Variants in OTUD7A observed in about 807,000 individuals in gnomAD.
The protein encoded by OTUD7A is OTU deubiquitinase 7A, also known as OTU domain-containing protein 7A.
A neutral mutation model predicts 65.7 loss-of-function variants in OTUD7A; 12 were observed. That is an observed-to-expected ratio of 0.18 (90% CI 0.12 to 0.30). The LOEUF (loss-of-function observed/expected upper bound fraction) is 0.30, where lower values mean the gene tolerates loss of function less well. OTUD7A is among the 10% of genes least tolerant of loss of function. The probability of loss-of-function intolerance (pLI) is 1.00; values close to 1 mark genes in which losing one functional copy is unlikely to be tolerated. For synonymous variants in OTUD7A, 641 were observed against 586.3 expected (o/e 1.09, Z -1.35); for missense variants, 1,148 against 1,304.8 (o/e 0.88, Z 1.85).
At chr15:31,575,498 A>G (rs1434162114) in intron 3 of OTUD7A, among the ~76,000 whole-genome samples, 1 of 152,220 alleles carries the variant, frequency 6.6e-6, no homozygotes, top group East Asian at 1.9e-4. Flanking sequence ...AGGAGTGACT[A>G]TAACATGGTA....
chr15:31,566,144 TTG>T (rs1888865137), intron 4 of OTUD7A, among the ~76,000 whole-genome samples: 1 of 151,034 alleles, frequency 6.6e-6, no homozygotes, highest in Non-Finnish European at 1.5e-5. Context: ...TGAGCCGAGA[TTG>T]CGCCACTGCA....
intron 10 of OTUD7A, among the ~76,000 whole-genome samples, chr15:31,493,147 A>AG (rs1277016007): frequency 9.9e-6 from 1 of 101,000 alleles, no homozygotes; most frequent in African/African-American, 3.7e-5. Flanking sequence ...TTGAGGTTGT[A>AG]GGAAAAAAAA....
chr15:31,644,150 C>T (rs734299), intron 3 of OTUD7A, among the ~76,000 whole-genome samples: 43,403 of 151,430 alleles, frequency 0.29, 7,331 homozygotes, highest in African/African-American at 0.47. Flanking sequence ...TCATGCTCTA[C>T]GCAGATGGCA....
intron 4 of OTUD7A, among the ~76,000 whole-genome samples, chr15:31,568,464 G>A (rs967285473): frequency 7.2e-5 from 11 of 152,350 alleles, no homozygotes; most frequent in Middle Eastern, 6.8e-3. Flanking sequence ...AGGCTCACAG[G>A]TGGAAGGGAC....
rs781208686 is a variant in OTUD7A at position 31,483,422 on chromosome 15, G to A, written c.2674C>T (p.Pro892Ser). 5.8e-6 allele frequency: 8 copies of A among 1,370,812 alleles called. No individual in the cohort carries two copies. In the South Asian group the frequency reaches 1.0e-4, roughly 18 times the overall value. The allele number at this position is 1,370,812 out of a possible 1,614,324, so 84.9% of individuals were successfully genotyped here. Residue 892 changes from proline to serine, a missense_variant, in exon 13 of 13, where the codon CCG (proline) becomes TCG (serine). Pro to Ser is a moderately conservative substitution (Grantham distance 74, BLOSUM62 -1). Transcript: ENST00000307050. ...TCGCGCTGGCAGCGCCGCTGCACCG[G>A]CCCCGGGCCGCCACGGCCGCACTCA... ...NGECGRGGPGPVQRRCQRENC... is the reference protein window; with the variant it reads ...NGECGRGGPGSVQRRCQRENC...
At chr15:31,679,294 G>A (rs1412722271) in intron 1 of OTUD7A, among the ~76,000 whole-genome samples, 1 of 152,220 alleles carries the variant, frequency 6.6e-6, no homozygotes, top group African/African-American at 2.4e-5. Flanking sequence ...GGACTTCTGG[G>A]TTAATGCTGG....
At chr15:31,790,491 TA>T (rs1219336206) in intron 1 of OTUD7A, among the ~76,000 whole-genome samples, 3 of 151,942 alleles carry the variant, frequency 2.0e-5, no homozygotes, top group African/African-American at 7.3e-5. Flanking sequence ...ACAGGATAAA[TA>T]AAAAAGAAGA....
At position 31,663,557 on chromosome 15, in the gene OTUD7A, A is replaced by G. The variant is rs973415250; in HGVS notation, c.-99-6480T>C. Among the ~76,000 whole-genome samples, 36 of 150,018 alleles carry G rather than the reference A, an allele frequency of 2.4e-4. 1 individual carries two copies. The highest frequency in any genetic ancestry group is 4.7e-4 in the Non-Finnish European group (32 of 67,854). On this transcript the variant is annotated intron_variant, in intron 1 of 12. Coordinates refer to ENST00000307050, the MANE Select transcript of OTUD7A (RefSeq NM_001382637.1). ...GTGTTTGGTTTTCTGTTCCTGTGTT[A>G]GTTTGCTGAGGATAATGGCTTTCAG...
intron 1 of OTUD7A, among the ~76,000 whole-genome samples, chr15:31,713,766 C>T (rs1248691299): frequency 6.6e-6 from 1 of 151,538 alleles, no homozygotes; most frequent in Non-Finnish European, 1.5e-5. Flanking sequence ...AGGACTGGTA[C>T]CCTGAATAAA....
At chr15:31,641,583 T>C (rs1891518752) in intron 3 of OTUD7A, among the ~76,000 whole-genome samples, 1 of 152,226 alleles carries the variant, frequency 6.6e-6, no homozygotes, top group Admixed American at 6.5e-5. Flanking sequence ...ATGGTACATT[T>C]AACCCTTTAT....
intron 3 of OTUD7A, among the ~76,000 whole-genome samples, chr15:31,601,490 C>T (rs1396448868): frequency 6.6e-6 from 1 of 152,004 alleles, no homozygotes; most frequent in Non-Finnish European, 1.5e-5. Flanking sequence ...GCACTAAATG[C>T]CCACAAGAGA....
At chr15:31,605,235 G>A (rs1383309607) in intron 3 of OTUD7A, among the ~76,000 whole-genome samples, 1 of 152,088 alleles carries the variant, frequency 6.6e-6, no homozygotes, top group Admixed American at 6.5e-5. Context: ...CATGTGTGTG[G>A]CAGGTGTGTG....
At chr15:31,626,450 A>T (rs1053875139) in intron 3 of OTUD7A, among the ~76,000 whole-genome samples, 4 of 152,160 alleles carry the variant, frequency 2.6e-5, no homozygotes, top group African/African-American at 4.8e-5. Flanking sequence ...ATGTTTGAAA[A>T]ATTTAATAGT....
At chr15:31,631,278 G>A (rs1891144416) in intron 3 of OTUD7A, among the ~76,000 whole-genome samples, 1 of 152,210 alleles carries the variant, frequency 6.6e-6, no homozygotes, top group African/African-American at 2.4e-5. Flanking sequence ...TTTTAGGGCA[G>A]ACCTGGTGGT....
At chr15:31,756,345 G>C (rs1199639464) in intron 1 of OTUD7A, among the ~76,000 whole-genome samples, 1 of 152,174 alleles carries the variant, frequency 6.6e-6, no homozygotes, top group African/African-American at 2.4e-5. Context: ...ATAATTGTGA[G>C]AATAATGTAG....
chr15:31,573,817 C>T (rs192497979), intron 3 of OTUD7A, among the ~76,000 whole-genome samples: 107 of 152,340 alleles, frequency 7.0e-4, no homozygotes, highest in African/African-American at 2.4e-3. Context: ...ACAAGCATTG[C>T]TTGAACCTGG....
At chr15:31,496,099 T>C (rs2041379989) in intron 10 of OTUD7A, among the ~76,000 whole-genome samples, 1 of 151,918 alleles carries the variant, frequency 6.6e-6, no homozygotes, top group South Asian at 2.1e-4. Context: ...AAAAAAAAAC[T>C]TTCTTGCCAC....
intron 1 of OTUD7A, among the ~76,000 whole-genome samples, chr15:31,851,418 A>T (rs1245116454): frequency 6.6e-6 from 1 of 152,236 alleles, no homozygotes; most frequent in Non-Finnish European, 1.5e-5. Context: ...GTAATGTCAT[A>T]GAATCAATGT....
At chr15:31,804,036 A>C (rs1896204769) in intron 1 of OTUD7A, among the ~76,000 whole-genome samples, 1 of 152,168 alleles carries the variant, frequency 6.6e-6, no homozygotes, top group Non-Finnish European at 1.5e-5. Context: ...AGAGGATGAC[A>C]GGGGGGATGA....
Sources: gnomAD v4.1 joint callset for allele counts (sites outside exome capture counted in the v4.1 genomes callset) on GRCh38, gnomAD v4.1.1 for gene constraint, MANE v1.5 for transcripts, NCBI Gene and HGNC (gene_info 2026-07-23, HGNC 2026-07-21) for gene names.